The following CLECL1 variants were observed in gnomAD, a reference collection of about 807,000 sequenced individuals.
The protein encoded by CLECL1 is C-type lectin like 1.
intron 3 of CLECL1, 124 bp from the exon 2 acceptor site, chr12:9,722,937 C>G: frequency 1.6e-6 from 1 of 629,104 alleles, no homozygotes; most frequent in East Asian, 3.0e-5. Context: ...AAAGTATGTG[C>G]TTTGTTCCAG....
At chr12:9,710,410 A>T in the CLECL1 span, among the ~76,000 whole-genome samples, 1 of 151,952 alleles carries the variant, frequency 6.6e-6, no homozygotes, top group Admixed American at 6.6e-5. Flanking sequence ...CCATATTCTC[A>T]TGGCAGTTAG....
At chr12:9,718,119 G>A (rs1866259716), downstream of CLECL1, among the ~76,000 whole-genome samples, 1 of 151,998 alleles carries the variant, frequency 6.6e-6, no homozygotes, top group Admixed American at 6.6e-5. Context: ...CATTTTCCAA[G>A]TATCTTTCTT....
intron 3 of CLECL1, 46 bp from the exon 2 acceptor site, chr12:9,722,859 T>C (rs1866332093): frequency 7.0e-7 from 1 of 1,425,916 alleles, no homozygotes; most frequent in Non-Finnish European, 9.7e-7. Flanking sequence ...TAAAACTGTA[T>C]CCTAATAATG....
At chr12:9,704,301 A>T in the CLECL1 span, 2 of 152,200 alleles carry the variant, frequency 1.3e-5, no homozygotes, top group Admixed American at 1.3e-4. Context: ...TACATATTCT[A>T]TGCTCCAAGG....
downstream of CLECL1, chr12:9,722,422 G>C: frequency 1.2e-6 from 1 of 808,008 alleles, no homozygotes; most frequent in Non-Finnish European, 1.7e-6. Flanking sequence ...TTGGAGAGAA[G>C]AGCTTGGTAT....
downstream of CLECL1, among the ~76,000 whole-genome samples, chr12:9,714,054 T>C (rs1866216801): frequency 1.3e-5 from 2 of 152,254 alleles, no homozygotes; most frequent in African/African-American, 2.4e-5. Flanking sequence ...ATCTATTTGA[T>C]AGATAGCATT....
chr12:9,714,897 A>G (rs757526878), downstream of CLECL1, among the ~76,000 whole-genome samples: 2 of 152,366 alleles, frequency 1.3e-5, no homozygotes, highest in Admixed American at 1.3e-4. Context: ...TTAGTTTATC[A>G]TAGAAAGTCT....
At chr12:9,705,420 G>A in the CLECL1 span, among the ~76,000 whole-genome samples, 2 of 152,076 alleles carry the variant, frequency 1.3e-5, no homozygotes, top group African/African-American at 4.8e-5. Flanking sequence ...GATCCCATTT[G>A]TCAATCTTTC....
exon 3 of CLECL1, chr12:9,716,689 G>C (rs1866242984): frequency 1.9e-5 from 16 of 849,084 alleles, no homozygotes; most frequent in Non-Finnish European, 2.5e-5. Context: ...AGACCCCAGA[G>C]ACAGACATAT....
downstream of CLECL1, chr12:9,718,607 G>A: frequency 1.7e-6 from 1 of 601,700 alleles, no homozygotes; most frequent in Non-Finnish European, 2.9e-6. Context: ...GACTGTATAT[G>A]GAGACACAAC....
chr12:9,726,868 C>A (rs73061613), intron 3 of CLECL1, among the ~76,000 whole-genome samples: 1,891 of 151,830 alleles, frequency 0.012, 22 homozygotes, highest in Non-Finnish European at 0.021. Flanking sequence ...TTACATTGTA[C>A]GAGATAGTCT....
the CLECL1 span, among the ~76,000 whole-genome samples, chr12:9,705,619 A>G: frequency 2.0e-5 from 3 of 152,172 alleles, no homozygotes; most frequent in African/African-American, 7.2e-5. Context: ...TTTTCTGCAT[A>G]TGGCTAGCCA....
intron 3 of CLECL1, among the ~76,000 whole-genome samples, chr12:9,726,221 A>G (rs1193916673): frequency 3.4e-5 from 5 of 146,154 alleles, no homozygotes; most frequent in African/African-American, 1.3e-4. Flanking sequence ...GTATTATAAA[A>G]AATAATGTTT....
chr12:9,722,529 T>G (rs1331124319), downstream of CLECL1: 3 of 1,440,420 alleles, frequency 2.1e-6, no homozygotes, highest in African/African-American at 4.3e-5. Context: ...AATATTTGTA[T>G]AGTTAATAAC....
At chr12:9,707,184 T>C in the CLECL1 span, among the ~76,000 whole-genome samples, 2 of 152,156 alleles carry the variant, frequency 1.3e-5, no homozygotes, top group Admixed American at 6.5e-5. Flanking sequence ...AAGGGTTAAT[T>C]GGAGTACCAG....
chr12:9,703,060 C>A, the CLECL1 span, among the ~76,000 whole-genome samples: 1 of 152,234 alleles, frequency 6.6e-6, no homozygotes, highest in Non-Finnish European at 1.5e-5. Flanking sequence ...CTGCATCCAA[C>A]TACCTGACCA....
chr12:9,712,212 G>T (rs780666764), downstream of CLECL1, among the ~76,000 whole-genome samples: 3 of 152,300 alleles, frequency 2.0e-5, no homozygotes, highest in African/African-American at 7.2e-5. Context: ...CTCTTGACCA[G>T]TGTCCTTGTA....
chr12:9,728,027 A>ATGG (rs1866400354), intron 2 of CLECL1, among the ~76,000 whole-genome samples: 1 of 151,852 alleles, frequency 6.6e-6, no homozygotes, highest in East Asian at 1.9e-4. Context: ...CCTATTAATT[A>ATGG]TATCAGGTGT....
At chr12:9,728,960 TTTA>T (rs761632631) in intron 2 of CLECL1, among the ~76,000 whole-genome samples, 2 of 151,916 alleles carry the variant, frequency 1.3e-5, no homozygotes, top group Non-Finnish European at 2.9e-5. Flanking sequence ...TTTTCTAGGG[TTTA>T]GTTTAATCTG....
Sources: allele counts gnomAD v4.1 joint callset (sites outside exome capture counted in the v4.1 genomes callset), GRCh38; gene constraint gnomAD v4.1.1; transcripts MANE v1.5; gene names NCBI Gene and HGNC (gene_info 2026-07-23, HGNC 2026-07-21).